TTYH2: variants seen among roughly 807,000 people sequenced by gnomAD.
TTYH2 encodes the protein tweety family member 2, also known as protein tweety homolog 2.
In TTYH2, 49 loss-of-function variants were observed where a neutral mutation model predicts 68.3. The observed-to-expected ratio is 0.72, with a 90% CI of 0.57 to 0.91. The LOEUF (loss-of-function observed/expected upper bound fraction) is 0.91. Ranked by LOEUF, TTYH2 falls within the 40% of genes least tolerant of loss-of-function variation. TTYH2 has a pLI of 0.00. For synonymous variants in TTYH2, 272 were observed against 300.8 expected (o/e 0.90, Z 0.99); for missense variants, 631 against 700.4 (o/e 0.90, Z 1.12).
At chr17:74,246,639 C>T (rs2050560956) in intron 6 of TTYH2, among the ~76,000 whole-genome samples, 1 of 152,190 alleles carries the variant, frequency 6.6e-6, no homozygotes, top group Admixed American at 6.5e-5. Flanking sequence ...CTTCCTGTCC[C>T]CTCTCCTGCC....
chr17:74,214,156 T>A lies in TTYH2; in HGVS notation c.129+440T>A, dbSNP rs2050199389. ...AGATGGGGCGCTCTCTTTCCGGGGC[T>A]GAGTGGCCTAGGAAAGTTTGGCAGA... On this transcript the variant is annotated intron_variant, in intron 1 of 13. Transcript: ENST00000269346. This position sits in a 1 kb window ranked among gnomAD's most constrained non-coding sequence, Gnocchi z 4.6. Among the ~76,000 whole-genome samples, 1 of 152,044 alleles carries A rather than the reference T, an allele frequency of 6.6e-6. No individual in the cohort carries two copies. Among genetic ancestry groups the A allele is most frequent in the East Asian group, 1.9e-4 (1 of 5,160 alleles).
chr17:74,244,304 C>T (rs1000961882), intron 6 of TTYH2, among the ~76,000 whole-genome samples: 5 of 152,216 alleles, frequency 3.3e-5, no homozygotes, highest in Non-Finnish European at 2.9e-5. Context: ...GAGAAGCCCC[C>T]GGCTGCCCAG....
In TTYH2 at chr17:74,213,821, T is replaced by C. The variant is rs1302537667; in HGVS notation, c.129+105T>C. 1.4e-5 allele frequency: 20 copies of C among 1,381,234 alleles called. No individual in the cohort carries two copies. Among genetic ancestry groups the C allele is most frequent in the Non-Finnish European group, 2.0e-5 (20 of 1,015,522 alleles). 85.6% of individuals were successfully genotyped at this position (1,381,234 alleles called of 1,614,324 possible). The stretch of plus-strand genomic sequence containing the variant: ...CTTTCCCACGTGCCTCTCAGACCCC[T>C]TCTCTCCCCGCGCAGCCCTTTCCCG... On this transcript the variant is annotated intron_variant, in intron 1 of 13. Coordinates refer to ENST00000269346, the MANE Select transcript of TTYH2 (RefSeq NM_032646.6). The surrounding 1 kb of genome is among the most constrained non-coding windows in gnomAD (Gnocchi z 6.1).
intron 10 of TTYH2, among the ~76,000 whole-genome samples, chr17:74,251,129 G>C (rs1164304657): frequency 6.6e-6 from 1 of 150,850 alleles, no homozygotes; most frequent in African/African-American, 2.5e-5. Flanking sequence ...CGGTTGTGTG[G>C]GTGCACATAT....
At position 74,215,792 on chromosome 17, in the gene TTYH2, T is replaced by A; in HGVS notation, c.129+2076T>A. 7.1e-7 allele frequency: 1 copy of A among 1,406,420 alleles called. No individual in the cohort carries two copies. The highest frequency in any genetic ancestry group is 9.7e-7 in the Non-Finnish European group (1 of 1,029,914). The allele number at this position is 1,406,420 out of a possible 1,614,324, so 87.1% of individuals were successfully genotyped here. On this transcript the variant is annotated intron_variant, in intron 1 of 13. Transcript: ENST00000269346. The surrounding 1 kb of genome is among the most constrained non-coding windows in gnomAD (Gnocchi z 4.3). ...AGCACCAGTCACTAACAGAGTCAGG[T>A]GGACCGTCGGTCATCCCAGTCTTCA...
chr17:74,236,960 G>T (rs1214024275), intron 3 of TTYH2, among the ~76,000 whole-genome samples: 3 of 150,098 alleles, frequency 2.0e-5, no homozygotes, highest in African/African-American at 7.4e-5. Flanking sequence ...GCAATGGTGC[G>T]ATCTTGACTC....
chr17:74,236,960 G>A (rs1214024275), intron 3 of TTYH2, among the ~76,000 whole-genome samples: 1 of 150,098 alleles, frequency 6.7e-6, no homozygotes, highest in African/African-American at 2.5e-5. Context: ...GCAATGGTGC[G>A]ATCTTGACTC....
rs1017397404 is a variant in TTYH2 at position 74,215,207 on chromosome 17, C to G, written c.129+1491C>G. ...TGTGTGTGTGTGTGTGTGTGTGTCC[C>G]CATCCCAAACCCTGTGCCCCACATC... is the stretch of plus-strand genomic sequence containing the variant. On this transcript the variant is annotated intron_variant, in intron 1 of 13. Coordinates refer to ENST00000269346, the MANE Select transcript of TTYH2 (RefSeq NM_032646.6). This position sits in a 1 kb window ranked among gnomAD's most constrained non-coding sequence, Gnocchi z 4.3. Among the ~76,000 whole-genome samples, 3 of 140,308 alleles carry G rather than the reference C, an allele frequency of 2.1e-5. No individual in the cohort carries two copies. The highest frequency in any genetic ancestry group is 6.3e-5 in the African/African-American group (2 of 31,978). 92.0% of individuals were successfully genotyped at this position (140,308 alleles called of 152,430 possible).
rs749380654 is a variant in TTYH2 at position 74,253,833 on chromosome 17, G to A, written c.1524G>A (p.Thr508=). 10 of 1,614,072 alleles carry A rather than the reference G, an allele frequency of 6.2e-6. No individual in the cohort carries two copies. The highest frequency in any genetic ancestry group is 5.5e-5 in the South Asian group (5 of 91,090). Residue 508 remains threonine (T), a splice_region_variant and synonymous_variant, in exon 13 of 14, where the codon ACG becomes ACA. Coordinates refer to ENST00000269346, the MANE Select transcript of TTYH2 (RefSeq NM_032646.6). The stretch of plus-strand genomic sequence containing the variant: ...TCGGGAGAGCCTCCCCTCCGCCTAC[G>A]GTAATTGGGGCTCTGGCCCTTCCTT... The part of the protein sequence containing the change: ...PLIGRASPPP[T]YSPSMRATYL...
chr17:74,215,733 C>T lies in TTYH2; in HGVS notation c.129+2017C>T, dbSNP rs1255162312. ...TTTTGGTAAGTTCCCCTGTTGTGAC[C>T]ACAGGTCTCTCCTGGATGTCTTCTT... On this transcript the variant is annotated intron_variant, in intron 1 of 13. Coordinates refer to ENST00000269346, the MANE Select transcript of TTYH2 (RefSeq NM_032646.6). This position sits in a 1 kb window ranked among gnomAD's most constrained non-coding sequence, Gnocchi z 4.3. The T allele has an allele frequency of 6.5e-7, 1 of 1,530,746 alleles. No individual in the cohort carries two copies. The highest frequency in any genetic ancestry group is 1.2e-5 in the South Asian group (1 of 83,968). 94.8% of individuals were successfully genotyped at this position (1,530,746 alleles called of 1,614,324 possible). A position where few individuals can be genotyped will look rare whatever the true frequency, so the allele number is the denominator to read the frequency against.
At chr17:74,226,671 G>A (rs920507183) in intron 2 of TTYH2, among the ~76,000 whole-genome samples, 1 of 152,120 alleles carries the variant, frequency 6.6e-6, no homozygotes, top group Non-Finnish European at 1.5e-5. Context: ...GAAAGCGGGG[G>A]ATTGAATCCG....
At position 74,248,990 on chromosome 17, in the gene TTYH2, G is replaced by A. The variant is rs199866086; in HGVS notation, c.805-21G>A. On this transcript the variant is annotated intron_variant, in intron 6 of 13. Coordinates refer to ENST00000269346, the MANE Select transcript of TTYH2 (RefSeq NM_032646.6). ...CTGATACCTGATTTTCCTCCACCCC[G>A]TCCCTCTCTCCCTCACTCAGGCCAC... is the stretch of plus-strand genomic sequence containing the variant. The A allele has an allele frequency of 2.3e-4, 367 of 1,613,988 alleles. 6 individuals are homozygous for A. The East Asian group carries it at 3.2e-3, about 14-fold the overall frequency.
intron 4 of TTYH2, 138 bp downstream of exon 4, chr17:74,237,652 A>T (rs1395979371): frequency 4.0e-6 from 3 of 741,726 alleles, no homozygotes; most frequent in Non-Finnish European, 6.3e-6. Context: ...TTTAAGACAG[A>T]GTCTTGCTCT....
chr17:74,230,797 ACCG>A, intron 2 of TTYH2, 88 bp from the exon 3 acceptor site: 2 of 1,324,172 alleles, frequency 1.5e-6, no homozygotes, highest in Non-Finnish European at 2.1e-6. Flanking sequence ...GGCATGAGCC[ACCG>A]CACCCAACCC....
At position 74,249,439 on chromosome 17, in the gene TTYH2, C is replaced by T. The variant is rs189061630; in HGVS notation, c.930+40C>T. ...GGCCTGCCCTCACCCTGCCCACAGC[C>T]GCTCCCCCTTGACCCTAAGCCTCAC... On this transcript the variant is annotated intron_variant, in intron 8 of 13. Transcript: ENST00000269346. 2.5e-4 allele frequency: 400 copies of T among 1,607,302 alleles called. 1 individual carries two copies. Among genetic ancestry groups the T allele is most frequent in the Admixed American group, 1.2e-3 (74 of 60,016 alleles).
At chr17:74,238,234 C>G (rs1299740873) in intron 4 of TTYH2, among the ~76,000 whole-genome samples, 1 of 152,174 alleles carries the variant, frequency 6.6e-6, no homozygotes, top group Non-Finnish European at 1.5e-5. Flanking sequence ...TCCACAGACA[C>G]AGCCACAGGG....
At chr17:74,234,249 T>G (rs544430856) in intron 3 of TTYH2, among the ~76,000 whole-genome samples, 4 of 152,292 alleles carry the variant, frequency 2.6e-5, no homozygotes, top group Admixed American at 2.0e-4. Flanking sequence ...GGACCACACT[T>G]GAGAACTGCT....
At chr17:74,227,763 T>TTTTTTTTTTG (rs1474174698) in intron 2 of TTYH2, among the ~76,000 whole-genome samples, 3 of 119,326 alleles carry the variant, frequency 2.5e-5, no homozygotes, top group African/African-American at 2.0e-4. Flanking sequence ...TTTTTTTTGT[T>TTTTTTTTTTG]TTTTTTTTAA....
intron 4 of TTYH2, among the ~76,000 whole-genome samples, chr17:74,238,401 T>C (rs1455202172): frequency 6.6e-6 from 1 of 152,108 alleles, no homozygotes; most frequent in African/African-American, 2.4e-5. Context: ...GACTCACTTT[T>C]TTTTTCTTTC....
Sources: allele counts gnomAD v4.1 joint callset (sites outside exome capture counted in the v4.1 genomes callset), GRCh38; gene constraint gnomAD v4.1.1; non-coding constraint Gnocchi (gnomAD v3.1); transcripts MANE v1.5; gene names NCBI Gene and HGNC (gene_info 2026-07-23, HGNC 2026-07-21).